GPHN: variants seen among roughly 807,000 people sequenced by gnomAD.
GPHN encodes the protein gephyrin.
In GPHN, 17 loss-of-function variants were observed where a neutral mutation model predicts 95.5. The observed-to-expected ratio is 0.18, with a 90% CI of 0.12 to 0.27. GPHN has a LOEUF of 0.27. Ranked by LOEUF, GPHN falls within the 10% of genes least tolerant of loss-of-function variation. GPHN has a pLI of 1.00. For synonymous variants in GPHN, 320 were observed against 322.5 expected, an observed-to-expected ratio of 0.99 and a Z score of 0.08; for missense variants, 660 against 978.1, an observed-to-expected ratio of 0.67 and a Z score of 4.34.
At chr14:66,637,643 A>G (rs756125410) in intron 1 of GPHN, among the ~76,000 whole-genome samples, 9 of 152,160 alleles carry the variant, frequency 5.9e-5, no homozygotes, top group African/African-American at 2.2e-4. Context: ...AAGGACTACC[A>G]TGTTTAAGGC....
the GPHN span, chr14:67,302,541 G>A: frequency 5.1e-5 from 80 of 1,574,292 alleles, no homozygotes; most frequent in Non-Finnish European, 5.8e-5. Flanking sequence ...AAATTCGGGG[G>A]AAAGATGTCA....
At chr14:66,789,815 C>T (rs2059908967) in intron 3 of GPHN, among the ~76,000 whole-genome samples, 1 of 152,152 alleles carries the variant, frequency 6.6e-6, no homozygotes, top group African/African-American at 2.4e-5. Flanking sequence ...TTCTGTAATC[C>T]AAACGTGCAG....
intron 11 of GPHN, among the ~76,000 whole-genome samples, chr14:67,085,629 A>G (rs1202662604): frequency 1.3e-5 from 2 of 152,240 alleles, no homozygotes; most frequent in African/African-American, 2.4e-5. Flanking sequence ...AAAAGTGACT[A>G]TACTAACTGT....
the GPHN span, among the ~76,000 whole-genome samples, chr14:67,710,083 T>C: frequency 1.3e-5 from 2 of 152,236 alleles, no homozygotes; most frequent in Admixed American, 6.5e-5. Flanking sequence ...TTTTAAGTTG[T>C]TCCACCTTTC....
chr14:66,530,052 C>G (rs1296613761), intron 1 of GPHN, among the ~76,000 whole-genome samples: 1 of 152,118 alleles, frequency 6.6e-6, no homozygotes, highest in Non-Finnish European at 1.5e-5. Context: ...CTCACAGCCA[C>G]CCCTTCCCCT....
chr14:67,555,976 C>A, the GPHN span: 2 of 1,503,366 alleles, frequency 1.3e-6, no homozygotes, highest in Non-Finnish European at 1.8e-6. Context: ...TGGACACATA[C>A]ATCACCAGCA....
At chr14:67,731,220 T>C in the GPHN span, among the ~76,000 whole-genome samples, 2 of 143,242 alleles carry the variant, frequency 1.4e-5, no homozygotes, top group Non-Finnish European at 3.0e-5. Flanking sequence ...TTTTTTTTTT[T>C]TTTTTTTTTT....
chr14:66,640,764 C>T (rs1021960284), intron 1 of GPHN, among the ~76,000 whole-genome samples: 4 of 152,178 alleles, frequency 2.6e-5, no homozygotes, highest in Non-Finnish European at 5.9e-5. Flanking sequence ...CAAATTAGTA[C>T]TTCTGCTTAG....
At chr14:67,717,929 G>A in the GPHN span, 9 of 152,164 alleles carry the variant, frequency 5.9e-5, no homozygotes, top group Admixed American at 2.0e-4. Flanking sequence ...AGTGCCTGCT[G>A]TGAATTAAGA....
At chr14:67,224,905 C>T in the GPHN span, 1 of 424,634 alleles carries the variant, frequency 2.4e-6, no homozygotes, top group East Asian at 4.8e-5. Flanking sequence ...TAAAAGGGAA[C>T]CTGCTTGTGA....
At chr14:67,728,985 A>G in the GPHN span, among the ~76,000 whole-genome samples, 5 of 152,210 alleles carry the variant, frequency 3.3e-5, no homozygotes, top group African/African-American at 1.2e-4. Flanking sequence ...CTTTTGGAAC[A>G]TAGAAGGCTG....
At chr14:66,794,173 G>C (rs1277182103) in intron 3 of GPHN, among the ~76,000 whole-genome samples, 2 of 152,134 alleles carry the variant, frequency 1.3e-5, no homozygotes, top group South Asian at 4.1e-4. Flanking sequence ...GGCCTGGTGG[G>C]AGGTGACTGG....
chr14:66,647,485 T>A (rs1595391252), intron 1 of GPHN, among the ~76,000 whole-genome samples: 2 of 151,916 alleles, frequency 1.3e-5, no homozygotes, highest in African/African-American at 4.8e-5. Context: ...AGTCCCTCCT[T>A]TTCTGCAAGG....
chr14:66,517,746 G>T (rs1465833343), intron 1 of GPHN, among the ~76,000 whole-genome samples: 14 of 150,550 alleles, frequency 9.3e-5, no homozygotes, highest in South Asian at 2.1e-4. Context: ...ATATGCAGAA[G>T]AATGAAACTA....
chr14:66,633,364 T>C (rs947956547), intron 1 of GPHN, among the ~76,000 whole-genome samples: 3 of 152,190 alleles, frequency 2.0e-5, no homozygotes, highest in African/African-American at 7.2e-5. Flanking sequence ...AAAAGTGTTT[T>C]ATTCAACTGG....
intron 9 of GPHN, among the ~76,000 whole-genome samples, chr14:67,020,492 C>T (rs933031860): frequency 6.6e-6 from 1 of 151,880 alleles, no homozygotes; most frequent in African/African-American, 2.4e-5. Context: ...ATGTGCTCTC[C>T]CTTCTGTTTT....
At chr14:66,653,738 T>G (rs2065170871) in intron 1 of GPHN, among the ~76,000 whole-genome samples, 1 of 152,214 alleles carries the variant, frequency 6.6e-6, no homozygotes, top group African/African-American at 2.4e-5. Context: ...ATCTAGATAT[T>G]TATCCATACT....
At chr14:67,569,859 T>G in the GPHN span, 17 of 1,067,974 alleles carry the variant, frequency 1.6e-5, no homozygotes, top group Admixed American at 3.3e-4. Flanking sequence ...GTTCTCTGCT[T>G]CCCCCACACC....
At chr14:66,570,599 C>G (rs1156587990) in intron 1 of GPHN, among the ~76,000 whole-genome samples, 6 of 152,102 alleles carry the variant, frequency 3.9e-5, no homozygotes, top group African/African-American at 1.4e-4. Flanking sequence ...ATCACCATGC[C>G]TGGCCCAATT....
Sources: allele counts gnomAD v4.1 joint callset (sites outside exome capture counted in the v4.1 genomes callset), GRCh38; gene constraint gnomAD v4.1.1; transcripts MANE v1.5; gene names NCBI Gene and HGNC (gene_info 2026-07-23, HGNC 2026-07-21).